The following ARHGAP32 variants were observed in gnomAD, a reference collection of about 807,000 sequenced individuals.
ARHGAP32 encodes the protein Rho GTPase activating protein 32.
In ARHGAP32, 51 loss-of-function variants were observed where a neutral mutation model predicts 186.5. The ratio of observed to expected loss-of-function variants is 0.27; its 90% CI spans 0.22 to 0.35. The LOEUF (loss-of-function observed/expected upper bound fraction) is 0.35. Among genes scored for constraint, ARHGAP32 ranks in the 10% least tolerant of loss-of-function variants. ARHGAP32 has a pLI of 1.00. For synonymous variants in ARHGAP32, 950 were observed against 964.3 expected, an observed-to-expected ratio of 0.99 and a Z score of 0.27; for missense variants, 2,186 against 2,623.5, an observed-to-expected ratio of 0.83 and a Z score of 3.64.
intron 10 of ARHGAP32, among the ~76,000 whole-genome samples, chr11:129,058,858 G>C (rs942693950): frequency 3.9e-5 from 6 of 152,176 alleles, no homozygotes; most frequent in African/African-American, 1.4e-4. Context: ...TCTCTCAACA[G>C]AGTGTCTCCC....
rs549577593 is a variant in ARHGAP32 at position 129,228,084 on chromosome 11, G to A, written c.-5+51062C>T. Reference sequence around the variant, plus strand: ...AGAGATTAATAACAAGGAGATCTGAGAGATATACAAGTAAGTGGAAATTAA... The same window carrying A: ...AGAGATTAATAACAAGGAGATCTGAAAGATATACAAGTAAGTGGAAATTAA... On this transcript the variant is annotated intron_variant, in intron 1 of 6. Transcript: ENST00000525234. Among the ~76,000 whole-genome samples, 8 of 152,206 alleles carry A rather than the reference G, an allele frequency of 5.3e-5. No homozygotes were observed. The East Asian group carries it at 1.5e-3, about 29-fold the overall frequency.
chr11:129,232,194 G>A lies in ARHGAP32; in HGVS notation c.-5+46952C>T, dbSNP rs115535311. Among the ~76,000 whole-genome samples the A allele has an allele frequency of 3.8e-3, 583 of 152,112 alleles. 2 individuals are homozygous for A. Among genetic ancestry groups the A allele is most frequent in the African/African-American group, 0.013 (556 of 41,498 alleles). Reference sequence around the variant, plus strand: ...CATAGAGTTTGAGAACCACACTCACGGGTGACATTAGTGTAGCTACAGATT... The same window carrying A: ...CATAGAGTTTGAGAACCACACTCACAGGTGACATTAGTGTAGCTACAGATT... On this transcript the variant is annotated intron_variant, in intron 1 of 6. Coordinates refer to the ARHGAP32 transcript ENST00000525234.
intron 12 of ARHGAP32, among the ~76,000 whole-genome samples, chr11:128,996,633 G>A (rs943391604): frequency 6.6e-6 from 1 of 152,036 alleles, no homozygotes; most frequent in Non-Finnish European, 1.5e-5. Flanking sequence ...ATCTCAGTAT[G>A]TATTATAAAT....
intron 1 of ARHGAP32, among the ~76,000 whole-genome samples, chr11:129,172,481 C>T (rs1054756738): frequency 6.6e-6 from 1 of 152,174 alleles, no homozygotes; most frequent in Non-Finnish European, 1.5e-5. Flanking sequence ...CCCAAATCAA[C>T]AGAATATACA....
intron 1 of ARHGAP32, among the ~76,000 whole-genome samples, chr11:129,216,476 G>C (rs1944647627): frequency 6.6e-6 from 1 of 151,750 alleles, no homozygotes; most frequent in South Asian, 2.1e-4. Context: ...GAGGTTAGGA[G>C]TTCGAGATCA....
At chr11:129,067,617 CGCA>C (rs1940736793) in intron 6 of ARHGAP32, among the ~76,000 whole-genome samples, 1 of 151,714 alleles carries the variant, frequency 6.6e-6, no homozygotes, top group Non-Finnish European at 1.5e-5. Context: ...CAGCTCACAC[CGCA>C]ACAACAACAA....
intron 10 of ARHGAP32, among the ~76,000 whole-genome samples, chr11:129,044,139 C>G (rs533485432): frequency 1.3e-5 from 2 of 152,270 alleles, no homozygotes; most frequent in South Asian, 4.2e-4. Context: ...CTGCCACTCA[C>G]TAGATTAGGT....
intron 1 of ARHGAP32, among the ~76,000 whole-genome samples, chr11:129,199,801 G>T (rs1332752331): frequency 2.0e-5 from 3 of 152,200 alleles, no homozygotes; most frequent in African/African-American, 7.2e-5. Context: ...CAGAATGGCA[G>T]ATCCACCAAC....
At chr11:129,012,841 C>T (rs866482582) in intron 11 of ARHGAP32, among the ~76,000 whole-genome samples, 1 of 152,160 alleles carries the variant, frequency 6.6e-6, no homozygotes, top group South Asian at 2.1e-4. Flanking sequence ...TCCTTCACAT[C>T]GATTAGCAAT....
intron 11 of ARHGAP32, among the ~76,000 whole-genome samples, chr11:129,013,779 A>C (rs749815348): frequency 3.9e-5 from 6 of 152,210 alleles, no homozygotes; most frequent in Non-Finnish European, 7.3e-5. Context: ...TATTTGGGAC[A>C]CAAGCACTGA....
At position 128,971,127 on chromosome 11, in the gene ARHGAP32, T is replaced by C. The variant is rs1434779639; in HGVS notation, c.4086A>G (p.Pro1362=). 1.9e-6 allele frequency: 3 copies of C among 1,613,754 alleles called. No individual in the cohort carries two copies. Among genetic ancestry groups the C allele is most frequent in the Admixed American group, 3.3e-5 (2 of 60,000 alleles). ...VQGVVPVPER[P]PEPRAMDDPA... Reference sequence around the variant, plus strand: ...GGTCATCCATGGCTCGAGGTTCAGGTGGCCTCTCTGGAACTGGAACTACTC... The same window carrying C: ...GGTCATCCATGGCTCGAGGTTCAGGCGGCCTCTCTGGAACTGGAACTACTC... Residue 1362 remains proline, a synonymous_variant, in exon 23 of 23, where the codon CCA becomes CCG. Coordinates refer to ENST00000682385, the MANE Select transcript of ARHGAP32 (RefSeq NM_001378024.1).
In ARHGAP32 at chr11:128,970,923, G is replaced by C; in HGVS notation, c.4290C>G (p.Thr1430=). The change falls in exon 23 of 23, where the codon ACC becomes ACG. Residue 1430 remains threonine (T), a synonymous_variant. Transcript: ENST00000682385. The surrounding 1 kb of genome is among the most constrained non-coding windows in gnomAD (Gnocchi z 5.8). ...PCGFPAPLPP[T]RMMESKMIAA... is the part of the protein sequence containing the mutation. ...CAATCATCTTACTCTCCATCATCCT[G>C]GTGGGGGGCAGTGGTGCAGGAAAGC... 1 of 1,614,082 alleles carries C rather than the reference G, an allele frequency of 6.2e-7. No individual in the cohort carries two copies. Among genetic ancestry groups the C allele is most frequent in the Non-Finnish European group, 8.5e-7 (1 of 1,179,980 alleles).
chr11:129,213,020 T>G (rs1457524259), intron 1 of ARHGAP32, among the ~76,000 whole-genome samples: 3 of 152,130 alleles, frequency 2.0e-5, no homozygotes, highest in Non-Finnish European at 2.9e-5. Flanking sequence ...TTTGCCTTGT[T>G]GTCCCAAGAA....
chr11:129,068,106 C>G (rs1591585329), intron 6 of ARHGAP32, among the ~76,000 whole-genome samples: 1 of 152,028 alleles, frequency 6.6e-6, no homozygotes, highest in African/African-American at 2.4e-5. Flanking sequence ...GGAAAGGGAT[C>G]CAGTTAGTTC....
Position 129,138,677 on chromosome 11 carries a change from A to G in ARHGAP32, c.226-13783T>C, listed in dbSNP as rs75839023. On this transcript the variant is annotated intron_variant, in intron 2 of 22. Transcript: ENST00000682385. ...CAGAACCACAAAGCTGGCTACTTCT[A>G]CATTCAGCCCCACCACAAGCCCATC... is the stretch of plus-strand genomic sequence containing the variant. 4.7e-3 allele frequency among the ~76,000 whole-genome samples: 710 copies of G among 152,306 alleles called. 8 individuals are homozygous for G. The highest frequency in any genetic ancestry group is 0.016 in the African/African-American group (667 of 41,582).
chr11:129,082,105 T>C (rs188311791), intron 6 of ARHGAP32, among the ~76,000 whole-genome samples: 4 of 152,180 alleles, frequency 2.6e-5, no homozygotes, highest in East Asian at 3.9e-4. Flanking sequence ...AAAGAAATCA[T>C]TGATGACATA....
At chr11:129,198,463 A>T (rs1041617930) in intron 1 of ARHGAP32, among the ~76,000 whole-genome samples, 1 of 152,186 alleles carries the variant, frequency 6.6e-6, no homozygotes, top group Admixed American at 6.5e-5. Flanking sequence ...CAACTGAATC[A>T]TGGGGGTGGT....
At chr11:129,020,585 G>C (rs1290711374) in intron 11 of ARHGAP32, among the ~76,000 whole-genome samples, 1 of 152,040 alleles carries the variant, frequency 6.6e-6, no homozygotes, top group Non-Finnish European at 1.5e-5. Flanking sequence ...TAGGTTTCAA[G>C]AGTTTACTGC....
chr11:129,131,330 A>G (rs1942804855), intron 2 of ARHGAP32, among the ~76,000 whole-genome samples: 1 of 152,186 alleles, frequency 6.6e-6, no homozygotes, highest in Admixed American at 6.5e-5. Context: ...AAAGGTCAAG[A>G]GGAATTTTTA....
Sources: gnomAD v4.1 joint callset for allele counts (sites outside exome capture counted in the v4.1 genomes callset) on GRCh38, gnomAD v4.1.1 for gene constraint, Gnocchi (gnomAD v3.1) non-coding constraint, MANE v1.5 for transcripts, NCBI Gene and HGNC (gene_info 2026-07-23, HGNC 2026-07-21) for gene names.